The following PDE10A variants were observed in gnomAD, a reference collection of about 807,000 sequenced individuals.
PDE10A encodes the protein cAMP and cAMP-inhibited cGMP 3',5'-cyclic phosphodiesterase 10A.
In PDE10A, 39 loss-of-function variants were observed where a neutral mutation model predicts 97.7. The observed-to-expected ratio is 0.40, with a 90% CI of 0.31 to 0.52. The LOEUF is 0.52. Ranked by LOEUF, PDE10A falls within the 20% of genes least tolerant of loss-of-function variation. PDE10A has a pLI of 0.56. For synonymous variants in PDE10A, 371 were observed against 376.8 expected (o/e 0.98, Z 0.18); for missense variants, 731 against 1,047.8 (o/e 0.70, Z 4.17).
intron 1 of PDE10A, among the ~76,000 whole-genome samples, chr6:165,866,652 A>C (rs543012366): frequency 7.8e-6 from 1 of 128,134 alleles, no homozygotes; most frequent in African/African-American, 3.0e-5. Flanking sequence ...AGACAAAGAG[A>C]ATTCTAAAAA....
At chr6:165,887,056 C>T (rs9365931) in intron 1 of PDE10A, among the ~76,000 whole-genome samples, 38,059 of 151,962 alleles carry the variant, frequency 0.25, 5,616 homozygotes, top group African/African-American at 0.41. Flanking sequence ...TCATTTTAAA[C>T]AATTGGGGAG....
At chr6:165,506,228 T>A (rs1781184179) in intron 2 of PDE10A, among the ~76,000 whole-genome samples, 2 of 152,164 alleles carry the variant, frequency 1.3e-5, no homozygotes, top group South Asian at 4.1e-4. Context: ...ACCATAGAGT[T>A]CCAAATCAAT....
intron 1 of PDE10A, among the ~76,000 whole-genome samples, chr6:165,677,691 C>T (rs1433427395): frequency 6.6e-6 from 1 of 152,088 alleles, no homozygotes; most frequent in African/African-American, 2.4e-5. Context: ...ACTCTGGTAT[C>T]CATGAGAGGT....
intron 1 of PDE10A, among the ~76,000 whole-genome samples, chr6:165,555,353 C>A (rs1784202957): frequency 6.6e-6 from 1 of 152,084 alleles, no homozygotes; most frequent in Admixed American, 6.5e-5. Context: ...TCACTTAACC[C>A]TGTAAGCCTC....
chr6:165,457,571 T>A (rs984732765), intron 3 of PDE10A, among the ~76,000 whole-genome samples: 9 of 152,118 alleles, frequency 5.9e-5, no homozygotes, highest in African/African-American at 2.2e-4. Context: ...TGTATATATA[T>A]AACATACGTC....
chr6:165,454,502 G>C (rs1409484352), intron 3 of PDE10A, among the ~76,000 whole-genome samples: 1 of 152,142 alleles, frequency 6.6e-6, no homozygotes, highest in African/African-American at 2.4e-5. Context: ...TTCATAAATA[G>C]GTTAATACCA....
intron 18 of PDE10A, among the ~76,000 whole-genome samples, chr6:165,378,096 A>G (rs2128206306): frequency 6.6e-6 from 1 of 152,372 alleles, no homozygotes; most frequent in Non-Finnish European, 1.5e-5. Context: ...AAAAGCATCA[A>G]TATCATTATA....
At position 165,933,205 on chromosome 6, in the gene PDE10A, C is replaced by T. The variant is rs188560808; in HGVS notation, c.-615+54324G>A. 2.4e-4 allele frequency among the ~76,000 whole-genome samples: 36 copies of T among 152,064 alleles called. 1 individual carries two copies. The highest frequency in any genetic ancestry group is 1.5e-3 in the East Asian group (8 of 5,168). Reference sequence around the variant, plus strand: ...CAGGGTGTCTAGACATGAGAAGACCCGAAACAGTCCCTATGTTGTCAGTGG... The same window carrying T: ...CAGGGTGTCTAGACATGAGAAGACCTGAAACAGTCCCTATGTTGTCAGTGG... On this transcript the variant is annotated intron_variant, in intron 1 of 19. Coordinates refer to the PDE10A transcript ENST00000366882.
intron 4 of PDE10A, 23 bp downstream of exon 4, chr6:165,450,219 C>T: frequency 6.6e-7 from 1 of 1,511,374 alleles, no homozygotes; most frequent in Non-Finnish European, 8.9e-7. Context: ...TTTTTTCTAA[C>T]AGGAACACAA....
At chr6:165,471,114 C>G (rs1459861215) in intron 3 of PDE10A, among the ~76,000 whole-genome samples, 1 of 152,148 alleles carries the variant, frequency 6.6e-6, no homozygotes, top group Admixed American at 6.5e-5. Flanking sequence ...CTGCCAAACC[C>G]AAAGGTCAGC....
intron 2 of PDE10A, among the ~76,000 whole-genome samples, chr6:165,526,977 T>C (rs1433854778): frequency 6.6e-6 from 1 of 152,236 alleles, no homozygotes; most frequent in East Asian, 1.9e-4. Context: ...GATGACATTA[T>C]GCTGATTACA....
At chr6:165,753,560 G>A (rs1241681388) in intron 1 of PDE10A, among the ~76,000 whole-genome samples, 1 of 152,128 alleles carries the variant, frequency 6.6e-6, no homozygotes, top group Non-Finnish European at 1.5e-5. Context: ...ATGTAAGAAT[G>A]TTCAGGTTTT....
intron 2 of PDE10A, among the ~76,000 whole-genome samples, chr6:165,540,932 C>A (rs1011046097): frequency 5.3e-5 from 8 of 151,930 alleles, no homozygotes; most frequent in Non-Finnish European, 1.0e-4. Flanking sequence ...GCCCAGAGAA[C>A]AGGACATTTT....
chr6:165,560,459 C>A (rs71571413), intron 1 of PDE10A, among the ~76,000 whole-genome samples: 1 of 151,892 alleles, frequency 6.6e-6, no homozygotes, highest in African/African-American at 2.4e-5. Flanking sequence ...TTCAGTCTTG[C>A]GATATTCTGA....
At chr6:165,562,398 GCTCTT>G (rs1190239200) in intron 1 of PDE10A, among the ~76,000 whole-genome samples, 2 of 152,076 alleles carry the variant, frequency 1.3e-5, no homozygotes, top group African/African-American at 2.4e-5. Flanking sequence ...ACTAGTATTA[GCTCTT>G]CTCAAGATAA....
In PDE10A at chr6:165,418,503, G is replaced by A. The variant is rs758910751; in HGVS notation, c.1796+132C>T. Reference sequence around the variant, plus strand: ...CCCAGAAGTACTACCTTCAGGAGGCGGGTCCTGGTGGGAATGATATCACAG... The same window carrying A: ...CCCAGAAGTACTACCTTCAGGAGGCAGGTCCTGGTGGGAATGATATCACAG... On this transcript the variant is annotated intron_variant, in intron 11 of 21. Transcript: ENST00000539869. The surrounding 1 kb of genome is among the most constrained non-coding windows in gnomAD (Gnocchi z 4.8). 9.1e-6 allele frequency: 7 copies of A among 770,822 alleles called. No homozygotes were observed. The highest frequency in any genetic ancestry group is 3.5e-5 in the African/African-American group (2 of 56,826). The allele number at this position is 770,822 out of a possible 1,614,324, so 47.7% of individuals were successfully genotyped here. A position where few individuals can be genotyped will look rare whatever the true frequency, so the allele number is the denominator to read the frequency against.
At position 165,848,374 on chromosome 6, in the gene PDE10A, C is replaced by T. The variant is rs995637231; in HGVS notation, c.-615+139155G>A. 5.3e-5 allele frequency among the ~76,000 whole-genome samples: 8 copies of T among 152,162 alleles called. No homozygotes were observed. In the East Asian group the frequency reaches 9.7e-4, roughly 18 times the overall value. On this transcript the variant is annotated intron_variant, in intron 1 of 19. Transcript: ENST00000366882. ...GGCGGTGGCATCAGGAGTGCCTGTG[C>T]GTGCAGAGGAGGCGTGGAGTGGCTT...
In PDE10A at chr6:165,956,737, T is replaced by A. The variant is rs1284278737; in HGVS notation, c.-615+30792A>T. Among the ~76,000 whole-genome samples the A allele has an allele frequency of 2.0e-5, 3 of 152,222 alleles. No homozygotes were observed. The East Asian group carries it at 5.8e-4, about 29-fold the overall frequency. On this transcript the variant is annotated intron_variant, in intron 1 of 19. Transcript: ENST00000366882. The stretch of plus-strand genomic sequence containing the variant: ...AGCTGCGGGATTTCTCTCTGACATG[T>A]CTCTGACATGTGGAGCACAGGAACA...
At chr6:165,542,652 TC>T (rs1439897666) in intron 2 of PDE10A, among the ~76,000 whole-genome samples, 2 of 138,880 alleles carry the variant, frequency 1.4e-5, no homozygotes, top group Non-Finnish European at 3.1e-5. Context: ...ACAGTCTTGC[TC>T]TGTTGCCCAG....
Sources: gnomAD v4.1 joint callset for allele counts (sites outside exome capture counted in the v4.1 genomes callset) on GRCh38, gnomAD v4.1.1 for gene constraint, Gnocchi (gnomAD v3.1) non-coding constraint, MANE v1.5 for transcripts, NCBI Gene and HGNC (gene_info 2026-07-23, HGNC 2026-07-21) for gene names.